Variants in ATRX observed in about 807,000 individuals in gnomAD.
ATRX encodes ATRX chromatin remodeler.
ATRX carries 12 observed loss-of-function variants against 172.6 expected under a neutral mutation model. That is an observed-to-expected ratio of 0.07 (90% confidence interval 0.04 to 0.11). The LOEUF is 0.11. Ranked by LOEUF, ATRX falls within the 10% of genes least tolerant of loss-of-function variation. ATRX has a pLI of 1.00. For synonymous variants in ATRX, 674 were observed against 594.7 expected, an observed-to-expected ratio of 1.13 and a Z score of -1.94; for missense variants, 1,368 against 1,767.4, an observed-to-expected ratio of 0.77 and a Z score of 4.05.
intron 1 of ATRX, among the ~76,000 whole-genome samples, chrX:77,725,147 T>C (rs2073971210): frequency 9.0e-6 from 1 of 111,294 alleles, no homozygotes; most frequent in Non-Finnish European, 1.9e-5. Flanking sequence ...TTCAGAGTGG[T>C]TAAACCGCAT....
chrX:77,642,406 G>C (rs1162183127), intron 15 of ATRX, among the ~76,000 whole-genome samples: 1 of 111,878 alleles, frequency 8.9e-6, no homozygotes, highest in Admixed American at 9.5e-5. Flanking sequence ...AAGGAAAAAG[G>C]AGAAAGATAA....
intron 30 of ATRX, among the ~76,000 whole-genome samples, chrX:77,551,821 A>T (rs1471640766): frequency 8.9e-6 from 1 of 112,275 alleles, no homozygotes. Context: ...GTATGAACAG[A>T]CACTTCTCAA....
intron 26 of ATRX, among the ~76,000 whole-genome samples, chrX:77,590,643 T>C (rs1694330925): frequency 9.5e-6 from 1 of 104,903 alleles, no homozygotes; most frequent in Non-Finnish European, 1.9e-5. Context: ...TACACAATGG[T>C]CTTAGCGAAA....
rs1603225916 is a variant in ATRX at position 77,684,097 on chromosome X, T to C, written c.1159A>G (p.Thr387Ala). The C allele has an allele frequency of 2.5e-6, 3 of 1,208,354 alleles. No homozygotes were observed. The highest frequency in any genetic ancestry group is 3.4e-6 in the Non-Finnish European group (3 of 892,848). The part of the protein sequence containing the change: ...ATDNSEISSA[T>A]KLRQLKAFKS... Reference sequence around the variant, plus strand: ...AAAGCCTTAAGCTGACGTAATTTTGTAGCAGAACTGATTTCTGAATTATCT... The same window carrying C: ...AAAGCCTTAAGCTGACGTAATTTTGCAGCAGAACTGATTTCTGAATTATCT... The change falls in exon 9 of 35, where the codon ACA becomes GCA. Residue 387 changes from threonine to alanine, a missense_variant. By Grantham distance (58) the Thr-to-Ala change is moderately conservative. Coordinates refer to ENST00000373344, the MANE Select transcript of ATRX (RefSeq NM_000489.6).
chrX:77,544,417 C>CT (rs782007589), intron 30 of ATRX, among the ~76,000 whole-genome samples: 66 of 110,040 alleles, frequency 6.0e-4, no homozygotes, highest in African/African-American at 1.9e-3. Context: ...TTTTCTTTTT[C>CT]TTTTTTTTTA....
At chrX:77,689,166 T>C (rs986055656) in intron 6 of ATRX, among the ~76,000 whole-genome samples, 5 of 112,297 alleles carry the variant, frequency 4.5e-5, no homozygotes, top group Non-Finnish European at 9.4e-5. Context: ...AAATGCCATT[T>C]TTTACAACTT....
chrX:77,517,010 A>C (rs1323179938), intron 34 of ATRX, among the ~76,000 whole-genome samples: 1 of 111,203 alleles, frequency 9.0e-6, no homozygotes, highest in Non-Finnish European at 1.9e-5. Context: ...TAAGAAAAAA[A>C]CTGAAAAACT....
At chrX:77,568,028 G>A (rs1281197074) in intron 28 of ATRX, among the ~76,000 whole-genome samples, 1 of 110,091 alleles carries the variant, frequency 9.1e-6, no homozygotes, top group Non-Finnish European at 1.9e-5. Context: ...TGCTGAAAGC[G>A]AAATTTATAA....
chrX:77,656,418 TTAAGTA>T (rs1306274955), intron 13 of ATRX, 136 bp downstream of exon 13: 8 of 496,426 alleles, frequency 1.6e-5, no homozygotes, highest in Non-Finnish European at 2.1e-5. Flanking sequence ...TTTTAAACTA[TTAAGTA>T]TAACAATTAG....
At chrX:77,567,998 AG>A (rs1325181958) in intron 28 of ATRX, among the ~76,000 whole-genome samples, 1 of 111,143 alleles carries the variant, frequency 9.0e-6, no homozygotes, top group Non-Finnish European at 1.9e-5. Context: ...AACACATCAA[AG>A]TTTGTATAAC....
intron 29 of ATRX, 57 bp from the exon 30 acceptor site, chrX:77,557,702 TAATC>T: frequency 2.0e-6 from 2 of 992,600 alleles, no homozygotes; most frequent in Non-Finnish European, 2.8e-6. Flanking sequence ...GCATGAAACT[TAATC>T]AAGGATAAAT....
At chrX:77,658,893 G>A (rs782647005) in intron 12 of ATRX, among the ~76,000 whole-genome samples, 1 of 111,805 alleles carries the variant, frequency 8.9e-6, no homozygotes, top group South Asian at 3.7e-4. Flanking sequence ...TAACATTTCT[G>A]TAAATCAAGA....
intron 3 of ATRX, among the ~76,000 whole-genome samples, 182 bp downstream of exon 3, chrX:77,698,392 A>G (rs2072306293): frequency 8.9e-6 from 1 of 111,898 alleles, no homozygotes; most frequent in South Asian, 3.7e-4. Context: ...ACTGAAGTGA[A>G]CCACAACAAT....
intron 2 of ATRX, among the ~76,000 whole-genome samples, chrX:77,707,650 G>A (rs1557157802): frequency 9.0e-6 from 1 of 111,730 alleles, no homozygotes; most frequent in East Asian, 2.8e-4. Flanking sequence ...GGGAGGCTGA[G>A]GTGGGAAGAT....
chrX:77,720,567 A>G (rs782309183), intron 1 of ATRX, among the ~76,000 whole-genome samples: 2 of 112,184 alleles, frequency 1.8e-5, no homozygotes, highest in African/African-American at 6.5e-5. Context: ...AACAAACTAG[A>G]AAATCTAGAG....
chrX:77,710,466 G>GA (rs1448103058), intron 2 of ATRX, among the ~76,000 whole-genome samples: 1 of 110,884 alleles, frequency 9.0e-6, no homozygotes, highest in Non-Finnish European at 1.9e-5. Flanking sequence ...TCCCTAATCT[G>GA]AAAATCCCAA....
intron 22 of ATRX, among the ~76,000 whole-genome samples, chrX:77,602,223 G>A (rs921750746): frequency 1.1e-4 from 12 of 111,148 alleles, no homozygotes; most frequent in African/African-American, 3.9e-4. Flanking sequence ...TGACCAGGCT[G>A]TTCTTAAACT....
In ATRX at chrX:77,557,529, A is replaced by G. The variant is rs782106742; in HGVS notation, c.6621T>C (p.Leu2207=). 3 of 1,207,865 alleles carry G rather than the reference A, an allele frequency of 2.5e-6. No individual in the cohort carries two copies. In the Admixed American group the frequency reaches 6.6e-5, roughly 27 times the overall value. The change falls in exon 30 of 35, where the codon CTT becomes CTC. Residue 2207 remains leucine, a synonymous_variant. Transcript: ENST00000373344. ...RHFTMNELTE[L]YTFEPDLLDD... is the part of the protein sequence containing the mutation. ...CTAATAAGTCTGGCTCAAAAGTATA[A>G]AGTTCAGTAAGCTCATTCATAGTAA... is the stretch of plus-strand genomic sequence containing the variant.
intron 15 of ATRX, among the ~76,000 whole-genome samples, chrX:77,643,133 T>C (rs1271552398): frequency 5.4e-5 from 6 of 111,642 alleles, no homozygotes; most frequent in Non-Finnish European, 3.8e-5. Flanking sequence ...AAGCAGATGT[T>C]ATTTACAAAT....
Sources: allele counts gnomAD v4.1 joint callset (sites outside exome capture counted in the v4.1 genomes callset), GRCh38; gene constraint gnomAD v4.1.1; transcripts MANE v1.5; gene names NCBI Gene and HGNC (gene_info 2026-07-23, HGNC 2026-07-21).